CSMD3: variants seen among roughly 807,000 people sequenced by gnomAD.
CSMD3 encodes CUB and sushi domain-containing protein 3.
In CSMD3, 177 loss-of-function variants were observed where a neutral mutation model predicts 435.2. That is an observed-to-expected ratio of 0.41 (90% confidence interval 0.36 to 0.46). The LOEUF (loss-of-function observed/expected upper bound fraction) is 0.46, where lower values mean the gene tolerates loss of function less well. Among genes scored for constraint, CSMD3 ranks in the 20% least tolerant of loss-of-function variants. The pLI, the probability that CSMD3 is intolerant of heterozygous loss-of-function variation, is 0.34. For synonymous variants in CSMD3, 1,656 were observed against 1,520.5 expected, an observed-to-expected ratio of 1.09 and a Z score of -2.07; for missense variants, 4,265 against 4,504.6, an observed-to-expected ratio of 0.95 and a Z score of 1.52.
chr8:113,302,618 C>T (rs1196172891), intron 2 of CSMD3, among the ~76,000 whole-genome samples: 1 of 151,860 alleles, frequency 6.6e-6, no homozygotes, highest in African/African-American at 2.4e-5. Context: ...GTAAGATTAT[C>T]AAATGGTCAC....
At chr8:113,013,566 T>G (rs1347914316) in intron 6 of CSMD3, among the ~76,000 whole-genome samples, 1 of 151,956 alleles carries the variant, frequency 6.6e-6, no homozygotes, top group Non-Finnish European at 1.5e-5. Flanking sequence ...AGGGAAATAA[T>G]TATAAGGTCA....
At chr8:113,076,100 GA>G (rs2089324199) in intron 5 of CSMD3, among the ~76,000 whole-genome samples, 1 of 151,570 alleles carries the variant, frequency 6.6e-6, no homozygotes, top group South Asian at 2.1e-4. Context: ...TTTATGAAAT[GA>G]ACTGTAAATT....
At chr8:113,317,552 TTTTA>T (rs1588504604) in intron 1 of CSMD3, among the ~76,000 whole-genome samples, 1 of 152,326 alleles carries the variant, frequency 6.6e-6, no homozygotes, top group East Asian at 1.9e-4. Flanking sequence ...GTATTCTTCT[TTTTA>T]CTTTTGTTTT....
intron 32 of CSMD3, among the ~76,000 whole-genome samples, chr8:112,431,997 ACTTTC>A (rs1813764149): frequency 6.6e-6 from 1 of 152,060 alleles, no homozygotes; most frequent in Non-Finnish European, 1.5e-5. Flanking sequence ...GAAGGTTTTT[ACTTTC>A]CTTTCACCTC....
chr8:112,249,311 G>T (rs1391081716), intron 63 of CSMD3, among the ~76,000 whole-genome samples: 4 of 151,800 alleles, frequency 2.6e-5, no homozygotes, highest in African/African-American at 9.7e-5. Context: ...CATAGGCTTT[G>T]GTTCTCACTT....
intron 3 of CSMD3, among the ~76,000 whole-genome samples, chr8:113,220,500 T>A (rs1458423677): frequency 6.6e-6 from 1 of 151,354 alleles, no homozygotes; most frequent in Non-Finnish European, 1.5e-5. Context: ...AAAGTAATAA[T>A]CATAATAAAA....
chr8:112,421,106 CA>C (rs970932047), intron 32 of CSMD3, among the ~76,000 whole-genome samples: 1 of 150,818 alleles, frequency 6.6e-6, no homozygotes, highest in Non-Finnish European at 1.5e-5. Context: ...CTTAACTTTG[CA>C]AAAAAAATCA....
chr8:112,658,346 GC>G (rs1000080559), intron 17 of CSMD3, among the ~76,000 whole-genome samples: 6 of 152,154 alleles, frequency 3.9e-5, no homozygotes, highest in African/African-American at 1.4e-4. Context: ...TCAAACAAAT[GC>G]CCAGAACTAA....
chr8:113,375,803 G>A (rs2094378658), intron 1 of CSMD3, among the ~76,000 whole-genome samples: 1 of 151,990 alleles, frequency 6.6e-6, no homozygotes, highest in African/African-American at 2.4e-5. Flanking sequence ...GAAGAACAGA[G>A]AAATGAAGTA....
chr8:113,142,465 A>G (rs2091571650), intron 4 of CSMD3, among the ~76,000 whole-genome samples: 1 of 151,228 alleles, frequency 6.6e-6, no homozygotes, highest in Admixed American at 6.6e-5. Context: ...CAACAGACCT[A>G]CACAAATATG....
In CSMD3 at chr8:112,837,342, T is replaced by C. The variant is rs573511754; in HGVS notation, c.1756-7553A>G. 1.1e-4 allele frequency among the ~76,000 whole-genome samples: 16 copies of C among 151,856 alleles called. No individual in the cohort carries two copies. In the South Asian group the frequency reaches 3.3e-3, roughly 32 times the overall value. On this transcript the variant is annotated intron_variant, in intron 11 of 70. Transcript: ENST00000297405. ...GATGATGTTTAACCAAACAAATTAATGATGCTTTAACTAATGCCAATACCA... is the reference window on the plus strand; with the variant it reads ...GATGATGTTTAACCAAACAAATTAACGATGCTTTAACTAATGCCAATACCA...
intron 2 of CSMD3, among the ~76,000 whole-genome samples, chr8:113,301,844 A>C (rs916959025): frequency 2.0e-5 from 3 of 152,044 alleles, no homozygotes; most frequent in Non-Finnish European, 2.9e-5. Context: ...TTACATGATT[A>C]TTTGATGGCA....
intron 1 of CSMD3, among the ~76,000 whole-genome samples, chr8:113,434,919 T>C (rs1401028200): frequency 1.3e-5 from 2 of 152,098 alleles, no homozygotes; most frequent in East Asian, 3.9e-4. Context: ...TCAACAGGTA[T>C]CACATGAAAA....
chr8:113,350,098 G>T (rs1319330711), intron 1 of CSMD3, among the ~76,000 whole-genome samples: 1 of 151,886 alleles, frequency 6.6e-6, no homozygotes, highest in Admixed American at 6.6e-5. Flanking sequence ...AAAAGGTCCA[G>T]GTCATTTGAG....
chr8:113,050,000 T>A (rs1249532389), intron 5 of CSMD3, among the ~76,000 whole-genome samples: 1 of 152,092 alleles, frequency 6.6e-6, no homozygotes, highest in Non-Finnish European at 1.5e-5. Flanking sequence ...CATGAGAAGA[T>A]TTACTTTTAA....
At chr8:113,120,083 T>C (rs1045679919) in intron 4 of CSMD3, among the ~76,000 whole-genome samples, 2 of 152,012 alleles carry the variant, frequency 1.3e-5, no homozygotes, top group African/African-American at 4.8e-5. Flanking sequence ...GTAAAATGTA[T>C]GTATATATGT....
intron 4 of CSMD3, among the ~76,000 whole-genome samples, chr8:113,168,512 T>A (rs1436794139): frequency 2.1e-5 from 1 of 48,280 alleles, no homozygotes; most frequent in Non-Finnish European, 3.5e-5. Flanking sequence ...AGAGCAAGAC[T>A]CTGTCTCAAA....
At chr8:113,069,720 C>T (rs993001708) in intron 5 of CSMD3, among the ~76,000 whole-genome samples, 3 of 152,110 alleles carry the variant, frequency 2.0e-5, no homozygotes, top group Admixed American at 2.0e-4. Flanking sequence ...CAATTTCTCG[C>T]CCTCTTGCAG....
intron 29 of CSMD3, among the ~76,000 whole-genome samples, chr8:112,504,579 T>C (rs113451677): frequency 1.1e-4 from 17 of 152,274 alleles, no homozygotes; most frequent in African/African-American, 3.6e-4. Flanking sequence ...AAAGTAAATA[T>C]ATTTTCTTCT....
Sources: allele counts gnomAD v4.1 joint callset (sites outside exome capture counted in the v4.1 genomes callset), GRCh38; gene constraint gnomAD v4.1.1; transcripts MANE v1.5; gene names NCBI Gene and HGNC (gene_info 2026-07-23, HGNC 2026-07-21).